Variants in MGAT3 observed in about 807,000 individuals in gnomAD.
The protein encoded by MGAT3 is beta-1,4-mannosyl-glycoprotein 4-beta-N-acetylglucosaminyltransferase, also known as GlcNAc-T III.
Under a neutral mutation model 29.8 loss-of-function variants are expected in MGAT3, and 9 were observed. That is an observed-to-expected ratio of 0.30 (90% CI 0.18 to 0.53). The LOEUF (loss-of-function observed/expected upper bound fraction) is 0.53, where lower values mean the gene tolerates loss of function less well. MGAT3 is among the 20% of genes least tolerant of loss of function. MGAT3 has a pLI of 0.96. For synonymous variants in MGAT3, 397 were observed against 348.9 expected (o/e 1.14, Z -1.54); for missense variants, 557 against 769.5 (o/e 0.72, Z 3.27).
intron 1 of MGAT3, among the ~76,000 whole-genome samples, chr22:39,480,116 A>AGTTC (rs1286422460): frequency 2.6e-5 from 4 of 152,046 alleles, no homozygotes; most frequent in African/African-American, 9.7e-5. Flanking sequence ...AGGTTGGGAG[A>AGTTC]GTTCGGGATG....
intron 1 of MGAT3, among the ~76,000 whole-genome samples, chr22:39,466,891 G>A: frequency 6.6e-6 from 1 of 152,176 alleles, no homozygotes. Flanking sequence ...TTCTCTCCCA[G>A]CTTCTGACTC....
At chr22:39,476,972 T>C (rs1462975869) in intron 1 of MGAT3, 1 of 152,122 alleles carries the variant, frequency 6.6e-6, no homozygotes, top group Non-Finnish European at 1.5e-5. Context: ...GGATCGGCCA[T>C]GTTCTGCAGC....
chr22:39,481,562 G>A (rs528848446), intron 1 of MGAT3, among the ~76,000 whole-genome samples: 4 of 152,316 alleles, frequency 2.6e-5, no homozygotes, highest in South Asian at 2.1e-4. Context: ...AATGAGTGAC[G>A]TGGGTTGGGT....
At chr22:39,468,270 A>G (rs542539520) in intron 1 of MGAT3, among the ~76,000 whole-genome samples, 1 of 152,198 alleles carries the variant, frequency 6.6e-6, no homozygotes, top group South Asian at 2.1e-4. Context: ...GGCTGCAGGC[A>G]GGTGTGGCCT....
chr22:39,483,878 A>C (rs1929195460), intron 1 of MGAT3, among the ~76,000 whole-genome samples: 1 of 152,232 alleles, frequency 6.6e-6, no homozygotes. Flanking sequence ...GCCCGCAGTC[A>C]GCTGTGCCCA....
intron 1 of MGAT3, among the ~76,000 whole-genome samples, chr22:39,473,613 G>A (rs1928871548): frequency 6.6e-6 from 1 of 152,132 alleles, no homozygotes; most frequent in Non-Finnish European, 1.5e-5. Context: ...ATGATTACAG[G>A]CTGGCAAGGG....
intron 1 of MGAT3, among the ~76,000 whole-genome samples, chr22:39,459,072 C>CTTT (rs3043636): frequency 7.1e-6 from 1 of 141,330 alleles, no homozygotes; most frequent in Admixed American, 7.1e-5. Context: ...CTTTTCTTTT[C>CTTT]TTTTTTTTTT....
At chr22:39,465,971 G>C (rs1343136838) in intron 1 of MGAT3, among the ~76,000 whole-genome samples, 1 of 151,566 alleles carries the variant, frequency 6.6e-6, no homozygotes, top group South Asian at 2.1e-4. Flanking sequence ...GCCTGATAGA[G>C]CAAAATGCGC....
intron 1 of MGAT3, among the ~76,000 whole-genome samples, chr22:39,472,279 T>G (rs569294406): frequency 1.9e-4 from 29 of 152,220 alleles, no homozygotes; most frequent in African/African-American, 7.0e-4. Flanking sequence ...GGAGAGGCAG[T>G]GTGGGTTCAG....
Position 39,488,453 on chromosome 22 carries a change from T to C in MGAT3, c.1106T>C (p.Met369Thr). The stretch of plus-strand genomic sequence containing the variant: ...GTGGTGTCAGGCTGCACGGTGGACA[T>C]GCTGCAGGCAGTGTATGGGCTGGAC... Reference protein sequence around the residue: ...LEVVSGCTVDMLQAVYGLDGI... With the variant: ...LEVVSGCTVDTLQAVYGLDGI... The change falls in exon 2 of 2, where the codon ATG becomes ACG. Residue 369 changes from methionine (M) to threonine (T), a missense_variant. Transcript: ENST00000341184. The C allele has an allele frequency of 1.9e-6, 3 of 1,612,946 alleles. No individual in the cohort carries two copies. The highest frequency in any genetic ancestry group is 2.5e-6 in the Non-Finnish European group (3 of 1,179,994).
chr22:39,474,342 A>G (rs1928891366), intron 1 of MGAT3, among the ~76,000 whole-genome samples: 1 of 152,070 alleles, frequency 6.6e-6, no homozygotes, highest in Non-Finnish European at 1.5e-5. Flanking sequence ...AGTGGGGGTG[A>G]GAGGGACCCT....
intron 1 of MGAT3, among the ~76,000 whole-genome samples, chr22:39,458,364 C>T (rs1011496786): frequency 1.3e-5 from 2 of 152,042 alleles, no homozygotes; most frequent in East Asian, 1.9e-4. Context: ...CCCTGAAGGC[C>T]CCTGATGGGG....
At chr22:39,484,789 G>C (rs889483217) in intron 1 of MGAT3, among the ~76,000 whole-genome samples, 1 of 152,026 alleles carries the variant, frequency 6.6e-6, no homozygotes, top group Non-Finnish European at 1.5e-5. Context: ...GATCACTTGA[G>C]GTCAGGAGTT....
intron 1 of MGAT3, among the ~76,000 whole-genome samples, chr22:39,458,557 C>A (rs931805839): frequency 6.6e-6 from 1 of 152,110 alleles, no homozygotes; most frequent in African/African-American, 2.4e-5. Context: ...GGAGAGCCCC[C>A]ACCCCCAGGA....
At chr22:39,478,842 C>G (rs912185533) in intron 1 of MGAT3, among the ~76,000 whole-genome samples, 20 of 152,160 alleles carry the variant, frequency 1.3e-4, no homozygotes, top group African/African-American at 4.6e-4. Context: ...CCTCACAGCC[C>G]GTCAGGCTTC....
chr22:39,478,481 G>A (rs534945868), intron 1 of MGAT3, among the ~76,000 whole-genome samples: 1 of 152,232 alleles, frequency 6.6e-6, no homozygotes, highest in African/African-American at 2.4e-5. Flanking sequence ...TGGTGGACAG[G>A]GGAACCGGCT....
chr22:39,468,052 C>T (rs763954888), intron 1 of MGAT3, among the ~76,000 whole-genome samples: 1 of 151,828 alleles, frequency 6.6e-6, no homozygotes, highest in Non-Finnish European at 1.5e-5. Flanking sequence ...GGCACATCCC[C>T]TCTCCAAGCA....
chr22:39,460,862 A>G (rs1037500719), intron 1 of MGAT3, among the ~76,000 whole-genome samples: 2 of 152,120 alleles, frequency 1.3e-5, no homozygotes, highest in African/African-American at 4.8e-5. Flanking sequence ...ACAGCTTGGC[A>G]TAGTTTCCAG....
intron 1 of MGAT3, among the ~76,000 whole-genome samples, chr22:39,478,929 T>C (rs1280957777): frequency 6.6e-6 from 1 of 152,190 alleles, no homozygotes; most frequent in Non-Finnish European, 1.5e-5. Context: ...GCTCAGACCC[T>C]CCAGGCCATG....
Sources: gnomAD v4.1 joint callset for allele counts (sites outside exome capture counted in the v4.1 genomes callset) on GRCh38, gnomAD v4.1.1 for gene constraint, MANE v1.5 for transcripts, NCBI Gene and HGNC (gene_info 2026-07-23, HGNC 2026-07-21) for gene names.